The following MACROD2 variants were observed in gnomAD, a reference collection of about 807,000 sequenced individuals.
MACROD2 encodes the protein ADP-ribose glycohydrolase MACROD2.
In MACROD2, 36 loss-of-function variants were observed where a neutral mutation model predicts 70.4. The observed-to-expected ratio is 0.51, with a 90% confidence interval of 0.39 to 0.68. The LOEUF is 0.68. Among genes scored for constraint, MACROD2 ranks in the 30% least tolerant of loss-of-function variants. The probability of loss-of-function intolerance (pLI) is 0.00; values close to 1 mark genes in which losing one functional copy is unlikely to be tolerated. For missense variants in MACROD2, 496 were observed against 538.4 expected (o/e 0.92, Z 0.78); for synonymous variants, 172 against 178.8 (o/e 0.96, Z 0.30).
intron 4 of MACROD2, among the ~76,000 whole-genome samples, chr20:14,518,575 G>A (rs553710293): frequency 1.3e-5 from 2 of 152,156 alleles, no homozygotes; most frequent in East Asian, 3.9e-4. Context: ...ATTACAGATG[G>A]CTACTGAATA....
intron 4 of MACROD2, among the ~76,000 whole-genome samples, chr20:14,598,498 C>T (rs545139708): frequency 2.0e-5 from 3 of 151,990 alleles, no homozygotes; most frequent in South Asian, 4.2e-4. Flanking sequence ...ATTTTATTCT[C>T]GTAATATGAT....
intron 7 of MACROD2, among the ~76,000 whole-genome samples, chr20:15,460,394 C>T (rs1259650297): frequency 6.6e-6 from 1 of 152,118 alleles, no homozygotes; most frequent in Non-Finnish European, 1.5e-5. Flanking sequence ...AGTTTCTCCT[C>T]AAAAATATTA....
intron 5 of MACROD2, among the ~76,000 whole-genome samples, chr20:14,780,067 A>T (rs2072280817): frequency 6.6e-6 from 1 of 152,038 alleles, no homozygotes; most frequent in African/African-American, 2.4e-5. Flanking sequence ...GCCACACTTA[A>T]AAAAGTGGTC....
At chr20:14,941,953 T>C (rs1331201319) in intron 5 of MACROD2, among the ~76,000 whole-genome samples, 1 of 151,660 alleles carries the variant, frequency 6.6e-6, no homozygotes, top group African/African-American at 2.4e-5. Context: ...CCGGCTATTT[T>C]TTTTTTTTTT....
intron 15 of MACROD2, among the ~76,000 whole-genome samples, chr20:16,020,108 C>T (rs759021374): frequency 3.3e-5 from 5 of 152,160 alleles, no homozygotes; most frequent in Admixed American, 1.3e-4. Context: ...GAAACTTCCA[C>T]GGGTCCCATG....
intron 5 of MACROD2, among the ~76,000 whole-genome samples, chr20:14,955,242 T>C (rs1162325309): frequency 1.4e-5 from 2 of 138,398 alleles, no homozygotes; most frequent in African/African-American, 5.3e-5. Flanking sequence ...ATTTTTATTA[T>C]ATATAATTTA....
At chr20:15,988,227 G>T (rs941077747) in intron 15 of MACROD2, among the ~76,000 whole-genome samples, 2 of 152,056 alleles carry the variant, frequency 1.3e-5, no homozygotes, top group East Asian at 3.8e-4. Context: ...TCAGACTCAC[G>T]ACTCCACTTT....
intron 4 of MACROD2, among the ~76,000 whole-genome samples, chr20:14,623,793 A>C (rs1236893994): frequency 1.3e-5 from 2 of 152,210 alleles, no homozygotes; most frequent in Non-Finnish European, 2.9e-5. Context: ...GGTGATGAGC[A>C]TAAGTCTGGC....
chr20:15,801,799 A>G (rs2063728864), intron 8 of MACROD2, among the ~76,000 whole-genome samples: 1 of 152,096 alleles, frequency 6.6e-6, no homozygotes, highest in African/African-American at 2.4e-5. Context: ...TAGTGTGGAC[A>G]TTTTTATTAT....
At chr20:15,551,043 T>TGAA (rs2048088890) in intron 8 of MACROD2, among the ~76,000 whole-genome samples, 1 of 152,218 alleles carries the variant, frequency 6.6e-6, no homozygotes, top group Admixed American at 6.5e-5. Flanking sequence ...AAAGAAAGTG[T>TGAA]TAGAGATACT....
At chr20:15,938,895 T>A (rs898712135) in intron 12 of MACROD2, among the ~76,000 whole-genome samples, 3 of 152,234 alleles carry the variant, frequency 2.0e-5, no homozygotes, top group African/African-American at 7.2e-5. Flanking sequence ...AACAGCCTTA[T>A]TGCTGATAAG....
chr20:14,596,075 A>T (rs926874072), intron 4 of MACROD2, among the ~76,000 whole-genome samples: 6 of 151,352 alleles, frequency 4.0e-5, no homozygotes, highest in Non-Finnish European at 8.8e-5. Context: ...ACACACATTT[A>T]TATATATATA....
intron 5 of MACROD2, among the ~76,000 whole-genome samples, chr20:15,018,625 A>C (rs920154024): frequency 6.6e-6 from 1 of 152,178 alleles, no homozygotes; most frequent in South Asian, 2.1e-4. Flanking sequence ...AGAGAGAGAG[A>C]GAGCTCTAAG....
At chr20:14,514,559 A>C (rs1335866877) in intron 4 of MACROD2, among the ~76,000 whole-genome samples, 1 of 152,134 alleles carries the variant, frequency 6.6e-6, no homozygotes, top group Non-Finnish European at 1.5e-5. Context: ...CATGGGCACA[A>C]AATAAACCTC....
intron 8 of MACROD2, among the ~76,000 whole-genome samples, chr20:15,509,491 G>A (rs925993543): frequency 2.0e-5 from 3 of 152,104 alleles, no homozygotes; most frequent in Non-Finnish European, 2.9e-5. Context: ...GGTTGGGATT[G>A]GTATATCTGA....
chr20:15,461,531 A>G (rs1053995521), intron 7 of MACROD2, among the ~76,000 whole-genome samples: 1 of 152,226 alleles, frequency 6.6e-6, no homozygotes, highest in Non-Finnish European at 1.5e-5. Flanking sequence ...GTCTTTACAT[A>G]CAAGCTGGAG....
chr20:15,819,358 T>C (rs1331442799), intron 8 of MACROD2, among the ~76,000 whole-genome samples: 1 of 140,568 alleles, frequency 7.1e-6, no homozygotes, highest in Non-Finnish European at 1.5e-5. Flanking sequence ...TATATAAATG[T>C]ATATAAATAA....
intron 5 of MACROD2, among the ~76,000 whole-genome samples, chr20:14,890,383 A>G (rs985534451): frequency 2.4e-4 from 36 of 152,252 alleles, no homozygotes; most frequent in Admixed American, 7.9e-4. Flanking sequence ...CTAAGAAGAT[A>G]TGACCAGTGA....
At chr20:14,430,463 G>C (rs1237403844) in intron 3 of MACROD2, among the ~76,000 whole-genome samples, 10 of 152,166 alleles carry the variant, frequency 6.6e-5, no homozygotes. Flanking sequence ...CAATCGGTTT[G>C]ATATGGATGC....
Sources: allele counts gnomAD v4.1 joint callset (sites outside exome capture counted in the v4.1 genomes callset), GRCh38; gene constraint gnomAD v4.1.1; transcripts MANE v1.5; gene names NCBI Gene and HGNC (gene_info 2026-07-23, HGNC 2026-07-21).